CPZ: variants seen among roughly 807,000 people sequenced by gnomAD.
CPZ encodes VEZT/CPZ fusion.
Under a neutral mutation model 61.8 loss-of-function variants are expected in CPZ, and 103 were observed. That is an observed-to-expected ratio of 1.67 (90% CI 1.42 to 1.96). CPZ has a LOEUF of 1.96. CPZ is among the 30% of genes most tolerant of loss of function. The pLI is 0.00. For synonymous variants in CPZ, 551 were observed against 373.7 expected (o/e 1.47, Z -5.47); for missense variants, 1,461 against 914.9 (o/e 1.60, Z -7.70).
rs1232751952 is a variant in CPZ, at chr4:8,601,412, C to T, written c.411C>T (p.Asp137=). The T allele has an allele frequency of 6.3e-7, 1 of 1,583,390 alleles. No homozygotes were observed. The highest frequency in any genetic ancestry group is 1.1e-5 in the South Asian group (1 of 87,994). The part of the protein sequence containing the change: ...EVCQPAFDAI[D]MAWPYFLDCH... ...GCCAGCCCGCCTTCGACGCCATTGA[C>T]ATGGCCTGGCCCTACTTCCTTGACT... The change falls in exon 3 of 11, where the codon GAC becomes GAT. Residue 137 remains aspartate, a synonymous_variant. Transcript: ENST00000360986.
intron 7 of CPZ, chr4:8,611,222 C>T (rs920173155): frequency 8.8e-6 from 4 of 456,146 alleles, no homozygotes; most frequent in Non-Finnish European, 1.8e-5. Flanking sequence ...TGAGCTCATG[C>T]AGGGTGAGCC....
At position 8,606,895 on chromosome 4, in the gene CPZ, T is replaced by A. The variant is rs150237935; in HGVS notation, c.1065T>A (p.Gly355=). Reference sequence around the variant, plus strand: ...CCATCCCCCAGCACTACTGGTGGGGTAAGGTAGGAGCCGCCGCTGCCCATG... The same window carrying A: ...CCATCCCCCAGCACTACTGGTGGGGAAAGGTAGGAGCCGCCGCTGCCCATG... The part of the protein sequence containing the change: ...HIPIPQHYWW[G]KVAPETKAIM... Residue 355 remains glycine (G), a synonymous_variant, in exon 6 of 11, where the codon GGT becomes GGA. Coordinates refer to ENST00000360986, the MANE Select transcript of CPZ (RefSeq NM_001014447.3). The A allele has an allele frequency of 6.2e-6, 10 of 1,607,730 alleles. No individual in the cohort carries two copies. The highest frequency in any genetic ancestry group is 7.6e-6 in the Non-Finnish European group (9 of 1,177,568).
In CPZ at chr4:8,619,386, T is replaced by A; in HGVS notation, c.1728T>A (p.Arg576=). ...CCGCCCGGATGAAGAGGGCTGGCCGTGTGGACTTCATTCTGCAACCTCTGG... is the reference window on the plus strand; with the variant it reads ...CCGCCCGGATGAAGAGGGCTGGCCGAGTGGACTTCATTCTGCAACCTCTGG... ...IIPARMKRAG[R]VDFILQPLGM... is the part of the protein sequence containing the mutation. The change falls in exon 11 of 11, where the codon CGT becomes CGA. Residue 576 remains arginine, a synonymous_variant. Coordinates refer to ENST00000360986, the MANE Select transcript of CPZ (RefSeq NM_001014447.3). 1 of 1,614,176 alleles carries A rather than the reference T, an allele frequency of 6.2e-7. No individual in the cohort carries two copies. The highest frequency in any genetic ancestry group is 1.1e-5 in the South Asian group (1 of 91,084).
At chr4:8,619,210 T>G (rs1052653717) in intron 10 of CPZ, 52 bp from the exon 11 acceptor site, 3 of 1,472,222 alleles carry the variant, frequency 2.0e-6, no homozygotes, top group Admixed American at 4.1e-5. Context: ...CATCACCCCG[T>G]GGCTGGGTCT....
intron 1 of CPZ, among the ~76,000 whole-genome samples, 177 bp downstream of exon 1, chr4:8,593,098 C>A (rs994504608): frequency 3.9e-5 from 6 of 152,194 alleles, no homozygotes; most frequent in African/African-American, 1.4e-4. Flanking sequence ...TGTGACCTCT[C>A]CCCTGGACGG....
At chr4:8,603,951 C>T in intron 3 of CPZ, 25 bp from the exon 4 acceptor site, 1 of 1,604,502 alleles carries the variant, frequency 6.2e-7, no homozygotes, top group Non-Finnish European at 8.5e-7. Context: ...CTGACACTGA[C>T]TGAGCCCCCC....
chr4:8,596,077 A>G (rs1221988537), intron 1 of CPZ, among the ~76,000 whole-genome samples: 1 of 129,334 alleles, frequency 7.7e-6, no homozygotes, highest in Non-Finnish European at 1.6e-5. Context: ...TTTTCAAGAT[A>G]GAGTCTCTCT....
chr4:8,596,026 GC>G (rs1311902834), intron 1 of CPZ, among the ~76,000 whole-genome samples: 1 of 62,478 alleles, frequency 1.6e-5, no homozygotes, highest in Admixed American at 1.1e-4. Context: ...CAGACTTCCA[GC>G]CTTCCAGCCT....
Position 8,604,137 on chromosome 4 carries a change from A to T in CPZ, c.658A>T (p.Arg220Trp), listed in dbSNP as rs1325489919. 1 of 1,590,708 alleles carries T rather than the reference A, an allele frequency of 6.3e-7. No individual in the cohort carries two copies. The highest frequency in any genetic ancestry group is 1.3e-5 in the African/African-American group (1 of 74,352). ...TYSIGRSFDG[R>W]ELLVIEFSSR... ...CAGCATCGGGCGCAGCTTCGACGGC[A>T]GGGAGCTGCTGGTCATCGAGTTCTC... Residue 220 changes from arginine to tryptophan, a missense_variant, in exon 4 of 11, where the codon AGG becomes TGG. Physicochemically the swap from Arg to Trp is moderately radical, Grantham distance 101 (BLOSUM62 -3). Transcript: ENST00000360986.
At chr4:8,614,976 T>C (rs1057187195) in intron 9 of CPZ, among the ~76,000 whole-genome samples, 3 of 151,834 alleles carry the variant, frequency 2.0e-5, no homozygotes, top group Non-Finnish European at 2.9e-5. Context: ...GCTGGGGCTG[T>C]GGTGAGGACT....
At chr4:8,618,260 G>A in intron 9 of CPZ, 169 bp from the exon 10 acceptor site, 3 of 621,858 alleles carry the variant, frequency 4.8e-6, no homozygotes, top group Middle Eastern at 3.4e-4. Context: ...AGAGAGGGGA[G>A]TGACTGACTC....
chr4:8,597,012 C>CCGT (rs1248362847), intron 1 of CPZ, among the ~76,000 whole-genome samples: 1 of 152,230 alleles, frequency 6.6e-6, no homozygotes. Flanking sequence ...CAGCCGGGCA[C>CCGT]CGTCAGAGCC....
At position 8,612,168 on chromosome 4, in the gene CPZ, G is replaced by C; in HGVS notation, c.1363+6G>C. The C allele has an allele frequency of 7.6e-7, 1 of 1,312,860 alleles. No homozygotes were observed. 81.3% of individuals were successfully genotyped at this position (1,312,860 alleles called of 1,614,324 possible). A position where few individuals can be genotyped will look rare whatever the true frequency, so the allele number is the denominator to read the frequency against. ...CTGGTACAGCTTCACGGGAGGTGCGGCTTCCGCAGGGCGGGACTGGGCGGG... is the reference window on the plus strand; with the variant it reads ...CTGGTACAGCTTCACGGGAGGTGCGCCTTCCGCAGGGCGGGACTGGGCGGG... On this transcript the variant is annotated splice_donor_region_variant and intron_variant, in intron 8 of 10. Transcript: ENST00000360986.
chr4:8,605,650 C>T (rs1400264935), intron 4 of CPZ, among the ~76,000 whole-genome samples: 1 of 151,974 alleles, frequency 6.6e-6, no homozygotes, highest in Non-Finnish European at 1.5e-5. Context: ...TTCATCCACT[C>T]AAGGGCCAAC....
intron 1 of CPZ, among the ~76,000 whole-genome samples, chr4:8,593,341 C>T (rs1000244395): frequency 6.6e-6 from 1 of 152,152 alleles, no homozygotes; most frequent in African/African-American, 2.4e-5. Flanking sequence ...AACTCTTGAC[C>T]CCTCCCTCCC....
In CPZ at chr4:8,619,302, C is replaced by G; in HGVS notation, c.1644C>G (p.Ile548Met). 6.2e-7 allele frequency: 1 copy of G among 1,613,774 alleles called. No homozygotes were observed. Among genetic ancestry groups the G allele is most frequent in the South Asian group, 1.1e-5 (1 of 90,962 alleles). The part of the protein sequence containing the change: ...GDYWRLLPPG[I>M]HIVIAQAPGY... ...ACTGGAGACTGCTGCCCCCAGGTATCCACATTGTCATTGCCCAAGCCCCTG... is the reference window on the plus strand; with the variant it reads ...ACTGGAGACTGCTGCCCCCAGGTATGCACATTGTCATTGCCCAAGCCCCTG... Residue 548 changes from isoleucine (I) to methionine (M), a missense_variant, in exon 11 of 11, where the codon ATC (isoleucine) becomes ATG (methionine). Coordinates refer to ENST00000360986, the MANE Select transcript of CPZ (RefSeq NM_001014447.3).
Position 8,592,892 on chromosome 4 carries a change from C to A in CPZ, c.59C>A (p.Pro20Gln). Reference sequence around the variant, plus strand: ...GTCCTGGTCGTCGCCGCTGCCCGGCCGGGGTGCGAGTTTGAGCGGAACCCC... The same window carrying A: ...GTCCTGGTCGTCGCCGCTGCCCGGCAGGGGTGCGAGTTTGAGCGGAACCCC... ...LTVLVVAAAR[P>Q]GCEFERNPAG... Residue 20 changes from proline (P) to glutamine (Q), a missense_variant, in exon 1 of 11, where the codon CCG becomes CAG. Transcript: ENST00000360986. The A allele has an allele frequency of 6.5e-7, 1 of 1,534,438 alleles. No individual in the cohort carries two copies.
At chr4:8,599,560 C>T (rs778580838) in intron 2 of CPZ, 75 bp downstream of exon 2, 18 of 1,591,800 alleles carry the variant, frequency 1.1e-5, no homozygotes, top group Admixed American at 8.8e-5. Flanking sequence ...GCACTTTAGG[C>T]AGCTGAATCC....
intron 2 of CPZ, among the ~76,000 whole-genome samples, chr4:8,600,752 G>T (rs965585559): frequency 6.6e-6 from 1 of 152,246 alleles, no homozygotes. Context: ...CTTTTGGGAC[G>T]TCTTTGTGCT....
Sources: gnomAD v4.1 joint callset for allele counts (sites outside exome capture counted in the v4.1 genomes callset) on GRCh38, gnomAD v4.1.1 for gene constraint, MANE v1.5 for transcripts, NCBI Gene and HGNC (gene_info 2026-07-23, HGNC 2026-07-21) for gene names.